The following SYT1 variants were observed in gnomAD, a reference collection of about 807,000 sequenced individuals.
The protein encoded by SYT1 is synaptotagmin-1.
Under a neutral mutation model 44.8 loss-of-function variants are expected in SYT1, and 8 were observed. The observed-to-expected ratio is 0.18, with a 90% CI of 0.10 to 0.32. The LOEUF is 0.32. Among genes scored for constraint, SYT1 ranks in the 10% least tolerant of loss-of-function variants. The pLI is 1.00. For synonymous variants in SYT1, 154 were observed against 188.8 expected (o/e 0.82, Z 1.51); for missense variants, 286 against 509.3 (o/e 0.56, Z 4.22).
intron 3 of SYT1, among the ~76,000 whole-genome samples, chr12:79,114,636 G>A (rs1879182307): frequency 1.3e-5 from 2 of 152,052 alleles, no homozygotes; most frequent in African/African-American, 2.4e-5. Flanking sequence ...ATATCTTCAG[G>A]CCAGAGCACT....
At chr12:78,944,981 C>T (rs1458233463) in intron 1 of SYT1, among the ~76,000 whole-genome samples, 2 of 152,166 alleles carry the variant, frequency 1.3e-5, no homozygotes, top group Admixed American at 6.5e-5. Flanking sequence ...CAGAGACAAA[C>T]TGTACTCAAA....
At chr12:78,994,535 T>A (rs937093271) in intron 2 of SYT1, among the ~76,000 whole-genome samples, 10 of 70,714 alleles carry the variant, frequency 1.4e-4, no homozygotes, top group African/African-American at 4.5e-4. Flanking sequence ...GTTCTGAGGA[T>A]TTTTTTTTTT....
chr12:78,988,398 A>T lies in SYT1; in HGVS notation c.-84+10467A>T, dbSNP rs1034719565. ...AATATAATGTAAGATATATAGTAAG[A>T]TTTATATTATATATAATAAATATTA... On this transcript the variant is annotated intron_variant, in intron 2 of 10. Transcript: ENST00000261205. 2.0e-5 allele frequency among the ~76,000 whole-genome samples: 3 copies of T among 147,530 alleles called. No homozygotes were observed. In the South Asian group the frequency reaches 6.3e-4, roughly 31 times the overall value.
intron 3 of SYT1, among the ~76,000 whole-genome samples, chr12:79,146,935 G>T (rs905694652): frequency 6.6e-6 from 1 of 152,064 alleles, no homozygotes; most frequent in Non-Finnish European, 1.5e-5. Context: ...CTGCTTCCCG[G>T]GTTCAGGCCA....
At chr12:79,337,060 T>C (rs1369090044) in intron 8 of SYT1, among the ~76,000 whole-genome samples, 5 of 151,644 alleles carry the variant, frequency 3.3e-5, no homozygotes, top group Admixed American at 6.6e-5. Flanking sequence ...CATGTCCTCC[T>C]TTTTGGTTCC....
At chr12:79,211,128 G>A (rs1874421074) in intron 3 of SYT1, among the ~76,000 whole-genome samples, 1 of 151,960 alleles carries the variant, frequency 6.6e-6, no homozygotes, top group Non-Finnish European at 1.5e-5. Context: ...ACTTTGTAAT[G>A]CATCTTTCCA....
chr12:78,962,649 C>A (rs1467835290), intron 1 of SYT1, among the ~76,000 whole-genome samples: 1 of 151,928 alleles, frequency 6.6e-6, no homozygotes, highest in Non-Finnish European at 1.5e-5. Flanking sequence ...TATTCTAAAT[C>A]TGAGCTGTCA....
chr12:78,965,037 T>A (rs1165049140), intron 1 of SYT1, among the ~76,000 whole-genome samples: 1 of 152,090 alleles, frequency 6.6e-6, no homozygotes, highest in Non-Finnish European at 1.5e-5. Context: ...ATACATTTTA[T>A]GCACACTAAA....
chr12:79,262,947 G>A (rs1232739855), intron 4 of SYT1, among the ~76,000 whole-genome samples: 1 of 152,202 alleles, frequency 6.6e-6, no homozygotes, highest in Non-Finnish European at 1.5e-5. Context: ...GCATAAGACA[G>A]CACTGTGTGC....
At chr12:79,036,241 AGTGTTGAATTTT>A (rs1260146117) in intron 2 of SYT1, among the ~76,000 whole-genome samples, 1 of 151,788 alleles carries the variant, frequency 6.6e-6, no homozygotes, top group Non-Finnish European at 1.5e-5. Context: ...TGTGTAAGTA[AGTGTTGAATTTT>A]GTGTTACAGA....
intron 2 of SYT1, among the ~76,000 whole-genome samples, chr12:79,027,975 A>G (rs891797089): frequency 6.6e-6 from 1 of 151,432 alleles, no homozygotes; most frequent in Non-Finnish European, 1.5e-5. Flanking sequence ...CTGTCTCTTT[A>G]TGCAGTCATA....
intron 1 of SYT1, among the ~76,000 whole-genome samples, chr12:78,929,508 T>G (rs2137195496): frequency 6.7e-6 from 1 of 149,802 alleles, no homozygotes. Flanking sequence ...AATTTTACTT[T>G]CTAACTTCAC....
At chr12:79,349,056 AGGAGGG>A (rs1882766916) in intron 8 of SYT1, among the ~76,000 whole-genome samples, 1 of 125,864 alleles carries the variant, frequency 7.9e-6, no homozygotes, top group African/African-American at 3.0e-5. Flanking sequence ...AAAGAAAGAA[AGGAGGG>A]AGGGAGGGAG....
At chr12:79,053,552 T>C (rs1479707651) in intron 3 of SYT1, among the ~76,000 whole-genome samples, 1 of 149,386 alleles carries the variant, frequency 6.7e-6, no homozygotes, top group African/African-American at 2.4e-5. Context: ...ATATAAATTC[T>C]TATGTATAAA....
At chr12:78,981,810 A>C (rs1869284584) in intron 2 of SYT1, among the ~76,000 whole-genome samples, 2 of 152,190 alleles carry the variant, frequency 1.3e-5, no homozygotes, top group Non-Finnish European at 2.9e-5. Context: ...CTTTTAGCCC[A>C]GACATTAGGA....
At chr12:78,971,875 C>A (rs1448720979) in intron 1 of SYT1, among the ~76,000 whole-genome samples, 1 of 152,088 alleles carries the variant, frequency 6.6e-6, no homozygotes, top group Non-Finnish European at 1.5e-5. Context: ...AATTTCTGAA[C>A]ACTGTTTTCA....
intron 1 of SYT1, among the ~76,000 whole-genome samples, chr12:78,904,590 T>C (rs928240544): frequency 6.6e-6 from 1 of 152,132 alleles, no homozygotes; most frequent in African/African-American, 2.4e-5. Flanking sequence ...TATCTTTATA[T>C]GGAAAACTTT....
intron 8 of SYT1, among the ~76,000 whole-genome samples, chr12:79,328,069 TAAGAAAGCCAATTTTTTGGCAGTGTG>T (rs1421923872): frequency 6.6e-6 from 1 of 152,160 alleles, no homozygotes; most frequent in Non-Finnish European, 1.5e-5. Context: ...GCTCTGTGTG[TAAGAAAGCCAATTTTTTGGCAGTGTG>T]AAGATGAATT....
chr12:79,026,667 TTATATATATATATATATATATATA>T (rs3064320), intron 2 of SYT1, among the ~76,000 whole-genome samples: 3 of 102,280 alleles, frequency 2.9e-5, no homozygotes, highest in Non-Finnish European at 5.9e-5. Flanking sequence ...CATATATATT[TTATATATATATATATATATATATA>T]TATATATATA....
Sources: gnomAD v4.1 joint callset for allele counts (sites outside exome capture counted in the v4.1 genomes callset) on GRCh38, gnomAD v4.1.1 for gene constraint, MANE v1.5 for transcripts, NCBI Gene and HGNC (gene_info 2026-07-23, HGNC 2026-07-21) for gene names.